HOTAIR: variants seen among roughly 807,000 people sequenced by gnomAD.
HOTAIR encodes HOX transcript antisense RNA (non-protein coding).
rs778637728 is a variant in HOTAIR at position 53,973,569 on chromosome 12, G to A, written n.59+1329C>T. 3.1e-6 allele frequency: 5 copies of A among 1,612,730 alleles called. No individual in the cohort carries two copies. Among genetic ancestry groups the A allele is most frequent in the Non-Finnish European group, 4.2e-6 (5 of 1,179,948 alleles). ...CCGGGAGTGCCTGCCTCCTTCCACCGTCACCGAGATCCTCATGAAAAACGA... is the reference window on the plus strand; with the variant it reads ...CCGGGAGTGCCTGCCTCCTTCCACCATCACCGAGATCCTCATGAAAAACGA... On this transcript the variant is annotated intron_variant and non_coding_transcript_variant, in intron 1 of 6. Coordinates refer to ENST00000424518, the Ensembl canonical transcript of HOTAIR. The surrounding 1 kb of genome is among the most constrained non-coding windows in gnomAD (Gnocchi z 4.3).
At chr12:53,970,983 A>G (rs1422041800) in intron 1 of HOTAIR, among the ~76,000 whole-genome samples, 1 of 152,068 alleles carries the variant, frequency 6.6e-6, no homozygotes, top group Non-Finnish European at 1.5e-5. Flanking sequence ...GGATAGGGGT[A>G]CCTCTCGCTT....
chr12:53,964,640 A>T (rs1178881106), intron 5 of HOTAIR, among the ~76,000 whole-genome samples: 2 of 152,146 alleles, frequency 1.3e-5, no homozygotes, highest in African/African-American at 2.4e-5. Flanking sequence ...GGATAATTGT[A>T]GAGGGAGAGA....
chr12:53,968,168 T>G (rs1339696693), intron 2 of HOTAIR: 1 of 152,212 alleles, frequency 6.6e-6, no homozygotes, highest in Non-Finnish European at 1.5e-5. Flanking sequence ...CACCGGAATG[T>G]TCCCCAACAC....
intron 3 of HOTAIR, chr12:53,966,673 G>A (rs1272549535): frequency 1.3e-5 from 2 of 152,330 alleles, no homozygotes; most frequent in Non-Finnish European, 2.9e-5. Context: ...TAAGGGCCCA[G>A]TGCGGGGGCA....
At position 53,973,667 on chromosome 12, in the gene HOTAIR, C is replaced by T. The variant is rs763045082; in HGVS notation, n.59+1231G>A. ...CCGCCGGCTTCTACTCCTCAGTCAA[C>T]AAGAACAGCGTCCTGCCTCAAGCCT... On this transcript the variant is annotated intron_variant and non_coding_transcript_variant, in intron 1 of 6. Transcript: ENST00000424518. The surrounding 1 kb of genome is among the most constrained non-coding windows in gnomAD (Gnocchi z 4.3). 3.7e-6 allele frequency: 6 copies of T among 1,613,766 alleles called. No individual in the cohort carries two copies. Among genetic ancestry groups the T allele is most frequent in the Non-Finnish European group, 5.1e-6 (6 of 1,180,038 alleles).
In HOTAIR at chr12:53,973,951, G is replaced by T. The variant is rs774040501; in HGVS notation, n.59+947C>A. On this transcript the variant is annotated intron_variant and non_coding_transcript_variant, in intron 1 of 6. Coordinates refer to ENST00000424518, the Ensembl canonical transcript of HOTAIR. This position sits in a 1 kb window ranked among gnomAD's most constrained non-coding sequence, Gnocchi z 4.3. Reference sequence around the variant, plus strand: ...AGGTAGCAGCGGCCGGGGAACGGGCGGGCAGCGAGGGAGGGAGCGAGAGAG... The same window carrying T: ...AGGTAGCAGCGGCCGGGGAACGGGCTGGCAGCGAGGGAGGGAGCGAGAGAG... The T allele has an allele frequency of 2.1e-6, 3 of 1,433,154 alleles. No homozygotes were observed. The highest frequency in any genetic ancestry group is 5.2e-5 in the East Asian group (2 of 38,690). 88.8% of individuals were successfully genotyped at this position (1,433,154 alleles called of 1,614,324 possible).
At chr12:53,969,211 G>T (rs1939109210) in intron 1 of HOTAIR, among the ~76,000 whole-genome samples, 1 of 152,238 alleles carries the variant, frequency 6.6e-6, no homozygotes, top group South Asian at 2.1e-4. Context: ...TTTCCAGCCT[G>T]CTTTTAAGAC....
In HOTAIR at chr12:53,973,470, C is replaced by T. The variant is rs748782060; in HGVS notation, n.59+1428G>A. ...CCCGGTCCGGGAGGTCTCCTACGGC[C>T]TGGAGCCATCCGGCAAGTGGCACCA... On this transcript the variant is annotated intron_variant and non_coding_transcript_variant, in intron 1 of 6. Coordinates refer to ENST00000424518, the Ensembl canonical transcript of HOTAIR. This position sits in a 1 kb window ranked among gnomAD's most constrained non-coding sequence, Gnocchi z 4.3. The T allele has an allele frequency of 1.2e-6, 2 of 1,614,180 alleles. No individual in the cohort carries two copies. The highest frequency in any genetic ancestry group is 1.7e-6 in the Non-Finnish European group (2 of 1,180,030).
intron 1 of HOTAIR, among the ~76,000 whole-genome samples, chr12:53,969,641 G>T (rs1393429421): frequency 6.6e-6 from 1 of 152,212 alleles, no homozygotes; most frequent in African/African-American, 2.4e-5. Context: ...GTAAGGGAGA[G>T]AAATATAGGC....
At chr12:53,974,438 C>T (rs528011339) in intron 1 of HOTAIR, among the ~76,000 whole-genome samples, 58 of 152,124 alleles carry the variant, frequency 3.8e-4, no homozygotes, top group African/African-American at 1.3e-3. Flanking sequence ...AAGCCAGGAC[C>T]GCTATGATCC....
rs367923255 is a variant in HOTAIR at position 53,973,482 on chromosome 12, G to A, written n.59+1416C>T. The A allele has an allele frequency of 1.7e-5, 27 of 1,613,834 alleles. No homozygotes were observed. Among genetic ancestry groups the A allele is most frequent in the Non-Finnish European group, 2.3e-5 (27 of 1,180,008 alleles). ...GGTCTCCTACGGCCTGGAGCCATCC[G>A]GCAAGTGGCACCATCGGAACAGCTA... On this transcript the variant is annotated intron_variant and non_coding_transcript_variant, in intron 1 of 6. Coordinates refer to ENST00000424518, the Ensembl canonical transcript of HOTAIR. This position sits in a 1 kb window ranked among gnomAD's most constrained non-coding sequence, Gnocchi z 4.3.
Position 53,973,646 on chromosome 12 carries a change from C to T in HOTAIR, n.59+1252G>A. The T allele has an allele frequency of 4.3e-6, 7 of 1,613,806 alleles. No homozygotes were observed. The highest frequency in any genetic ancestry group is 5.9e-6 in the Non-Finnish European group (7 of 1,180,036). On this transcript the variant is annotated intron_variant and non_coding_transcript_variant, in intron 1 of 6. Transcript: ENST00000424518. This position sits in a 1 kb window ranked among gnomAD's most constrained non-coding sequence, Gnocchi z 4.3. ...CCAGCGCCCCGCACGCAACCCCCGC[C>T]GGCTTCTACTCCTCAGTCAACAAGA... is the stretch of plus-strand genomic sequence containing the variant.
rs1384337595 is a variant in HOTAIR, at chr12:53,973,198, C to A, written n.59+1700G>T. On this transcript the variant is annotated intron_variant and non_coding_transcript_variant, in intron 1 of 6. Coordinates refer to ENST00000424518, the Ensembl canonical transcript of HOTAIR. This position sits in a 1 kb window ranked among gnomAD's most constrained non-coding sequence, Gnocchi z 4.3. Reference sequence around the variant, plus strand: ...TCCCAAATTTTCCCCCCTCGCTAGACCGGGTCCAAAACCTCCATCCGGAGC... The same window carrying A: ...TCCCAAATTTTCCCCCCTCGCTAGAACGGGTCCAAAACCTCCATCCGGAGC... The A allele has an allele frequency of 6.7e-7, 1 of 1,492,502 alleles. No individual in the cohort carries two copies. Among genetic ancestry groups the A allele is most frequent in the African/African-American group, 1.4e-5 (1 of 71,498 alleles). 92.5% of individuals were successfully genotyped at this position (1,492,502 alleles called of 1,614,324 possible).
At position 53,973,249 on chromosome 12, in the gene HOTAIR, A is replaced by G; in HGVS notation, n.59+1649T>C. On this transcript the variant is annotated intron_variant and non_coding_transcript_variant, in intron 1 of 6. Coordinates refer to ENST00000424518, the Ensembl canonical transcript of HOTAIR. The surrounding 1 kb of genome is among the most constrained non-coding windows in gnomAD (Gnocchi z 4.3). ...CGGCAGGAGAGGAGAACGATGTTTA[A>G]CTCGGTCAACCTGGGCAACTTCTGC... 1 of 1,595,790 alleles carries G rather than the reference A, an allele frequency of 6.3e-7. No individual in the cohort carries two copies. The highest frequency in any genetic ancestry group is 1.1e-5 in the South Asian group (1 of 87,938).
chr12:53,969,816 C>G (rs1939118548), intron 1 of HOTAIR, among the ~76,000 whole-genome samples: 1 of 152,136 alleles, frequency 6.6e-6, no homozygotes, highest in Non-Finnish European at 1.5e-5. Flanking sequence ...CCCATTTCTT[C>G]TTTCAGCATT....
intron 5 of HOTAIR, among the ~76,000 whole-genome samples, chr12:53,964,653 G>A (rs1482840682): frequency 6.6e-6 from 1 of 152,182 alleles, no homozygotes; most frequent in East Asian, 1.9e-4. Flanking sequence ...GGGAGAGAGA[G>A]AAAGTATTTC....
At chr12:53,963,009 C>G (rs2136369010) in exon 7 of HOTAIR, 1 of 152,380 alleles carries the variant, frequency 6.6e-6, no homozygotes, top group East Asian at 1.9e-4. Context: ...AGCGGTGCCA[C>G]TGTGTCTTGG....
chr12:53,972,008 CT>C (rs1200617952), intron 1 of HOTAIR, among the ~76,000 whole-genome samples: 1 of 152,186 alleles, frequency 6.6e-6, no homozygotes, highest in Non-Finnish European at 1.5e-5. Flanking sequence ...TGGGCCTCCC[CT>C]GATGCCACAG....
rs1053375713 is a variant in HOTAIR at position 53,970,383 on chromosome 12, G to A, written n.60-1627C>T. Among the ~76,000 whole-genome samples the A allele has an allele frequency of 3.9e-5, 6 of 152,320 alleles. 1 individual carries two copies. Among genetic ancestry groups the A allele is most frequent in the East Asian group, 1.9e-4 (1 of 5,178 alleles). On this transcript the variant is annotated intron_variant and non_coding_transcript_variant, in intron 1 of 6. Coordinates refer to ENST00000424518, the Ensembl canonical transcript of HOTAIR. Reference sequence around the variant, plus strand: ...CTAGGGCAAACATCTCAGCTGAAGCGTCCAGGTAGCCTGGACCCAGGGCTG... The same window carrying A: ...CTAGGGCAAACATCTCAGCTGAAGCATCCAGGTAGCCTGGACCCAGGGCTG...
Sources: gnomAD v4.1 joint callset for allele counts (sites outside exome capture counted in the v4.1 genomes callset) on GRCh38, gnomAD v4.1.1 for gene constraint, Gnocchi (gnomAD v3.1) non-coding constraint, MANE v1.5 for transcripts, NCBI Gene and HGNC (gene_info 2026-07-23, HGNC 2026-07-21) for gene names.